PRPH2: variants seen among roughly 807,000 people sequenced by gnomAD.
PRPH2 encodes the protein peripherin-2.
PRPH2 carries 17 observed loss-of-function variants against 31.3 expected under a neutral mutation model. The observed-to-expected ratio is 0.54, with a 90% confidence interval of 0.37 to 0.81. PRPH2 has a LOEUF of 0.81. Ranked by LOEUF, PRPH2 falls within the 40% of genes least tolerant of loss-of-function variation. PRPH2 has a pLI of 0.00. For missense variants in PRPH2, 430 were observed against 439.7 expected (o/e 0.98, Z 0.20); for synonymous variants, 165 against 184.4 (o/e 0.89, Z 0.85).
chr6:42,722,210 T>C lies in PRPH2; in HGVS notation c.125A>G (p.Lys42Arg). The change falls in exon 1 of 3, where the codon AAG becomes AGG. Residue 42 changes from lysine to arginine, a missense_variant. Coordinates refer to ENST00000230381, the MANE Select transcript of PRPH2 (RefSeq NM_000322.5). This position sits in a 1 kb window ranked among gnomAD's most constrained non-coding sequence, Gnocchi z 4.4. Reference protein sequence around the residue: ...IIIFSLGLFLKIELRKRSDVM... With the variant: ...IIIFSLGLFLRIELRKRSDVM... Reference sequence around the variant, plus strand: ...ATCGCTCCTCTTTCGGAGTTCAATCTTCAGGAACAGTCCTAGGCTGAAGAT... The same window carrying C: ...ATCGCTCCTCTTTCGGAGTTCAATCCTCAGGAACAGTCCTAGGCTGAAGAT... The C allele has an allele frequency of 6.2e-7, 1 of 1,614,164 alleles. No individual in the cohort carries two copies. The highest frequency in any genetic ancestry group is 8.5e-7 in the Non-Finnish European group (1 of 1,180,016).
intron 1 of PRPH2, among the ~76,000 whole-genome samples, chr6:42,705,602 ATATATATATATAT>A (rs1800147822): frequency 5.1e-4 from 6 of 11,830 alleles, no homozygotes; most frequent in South Asian, 2.3e-3. Context: ...AAAAAAAAAT[ATATATATATATAT>A]ATATATATAT....
At chr6:42,709,357 T>C (rs368635328) in intron 1 of PRPH2, among the ~76,000 whole-genome samples, 3 of 89,816 alleles carry the variant, frequency 3.3e-5, no homozygotes, top group African/African-American at 1.6e-4. Flanking sequence ...AAAAAAAAAC[T>C]TGGGTCCAGC....
chr6:42,717,898 G>C (rs1284853359), intron 1 of PRPH2, among the ~76,000 whole-genome samples: 1 of 152,132 alleles, frequency 6.6e-6, no homozygotes, highest in Non-Finnish European at 1.5e-5. Flanking sequence ...GGGCGCGGTG[G>C]CTCATGTTTG....
Position 42,698,469 on chromosome 6 carries a change from C to T in PRPH2, c.867G>A (p.Ser289=), listed in dbSNP as rs746836512. ...CCTCGGGGTTGGACACACCATCCAG[C>T]GACGTCTGTAGGTAGCGCAGCCCAA... ...ITIGLRYLQT[S]LDGVSNPEES... is the part of the protein sequence containing the mutation. The change falls in exon 3 of 3, where the codon TCG becomes TCA. Residue 289 remains serine, a synonymous_variant. Transcript: ENST00000230381. The T allele has an allele frequency of 1.2e-6, 2 of 1,614,214 alleles. No homozygotes were observed. The highest frequency in any genetic ancestry group is 4.5e-5 in the East Asian group (2 of 44,866).
rs751900290 is a variant in PRPH2, at chr6:42,704,367, C to G, written c.826G>C (p.Glu276Gln). The change falls in exon 2 of 3, where the codon GAG becomes CAG. Residue 276 changes from glutamate (E) to glutamine (Q), a missense_variant and splice_region_variant. Transcript: ENST00000230381. The part of the protein sequence containing the change: ...GVVTLLIWLF[E>Q]VTITIGLRYL... ...CCCCCAGCTGGCCCAGGGCCTACCT[C>G]GAAGAGCCAAATGAGGAGCGTGACG... is the stretch of plus-strand genomic sequence containing the variant. The G allele has an allele frequency of 6.2e-7, 1 of 1,607,804 alleles. No homozygotes were observed. Among genetic ancestry groups the G allele is most frequent in the Admixed American group, 1.7e-5 (1 of 59,022 alleles).
chr6:42,720,500 CTG>C (rs1237537475), intron 1 of PRPH2, among the ~76,000 whole-genome samples: 1 of 152,156 alleles, frequency 6.6e-6, no homozygotes, highest in Non-Finnish European at 1.5e-5. Flanking sequence ...CCTCTCCTGA[CTG>C]GGGATTTGCA....
chr6:42,699,478 C>T (rs1562420817), intron 2 of PRPH2, among the ~76,000 whole-genome samples: 3 of 152,160 alleles, frequency 2.0e-5, no homozygotes, highest in South Asian at 2.1e-4. Flanking sequence ...GGTTCAAACC[C>T]GGGCACTTAG....
rs1189373407 is a variant in PRPH2, at chr6:42,697,439, C to T, written c.*856G>A. 1.3e-5 allele frequency: 2 copies of T among 152,164 alleles called. No individual in the cohort carries two copies. The highest frequency in any genetic ancestry group is 4.8e-5 in the African/African-American group (2 of 41,334). The allele number at this position is 152,164 out of a possible 1,614,324, so 9.4% of individuals were successfully genotyped here. Reference sequence around the variant, plus strand: ...AGGCCTGGTCTCCAAAGGGTGGACTCATGTCTGATTGTTGCTCCTCTTCCA... The same window carrying T: ...AGGCCTGGTCTCCAAAGGGTGGACTTATGTCTGATTGTTGCTCCTCTTCCA... On this transcript the variant is annotated 3_prime_UTR_variant, in exon 3 of 3. Transcript: ENST00000230381.
chr6:42,718,058 A>G (rs1363028264), intron 1 of PRPH2, among the ~76,000 whole-genome samples: 1 of 152,170 alleles, frequency 6.6e-6, no homozygotes, highest in Non-Finnish European at 1.5e-5. Flanking sequence ...CTGTAATCCC[A>G]GCACTTTGGG....
At chr6:42,715,446 G>A (rs530461033) in intron 1 of PRPH2, among the ~76,000 whole-genome samples, 5 of 151,992 alleles carry the variant, frequency 3.3e-5, no homozygotes, top group Admixed American at 6.6e-5. Context: ...CGAGGCAGGC[G>A]GATCACTTGA....
intron 2 of PRPH2, among the ~76,000 whole-genome samples, chr6:42,701,682 ATTTTTTTTTTTTTT>A (rs70990127): frequency 1.3e-5 from 1 of 78,516 alleles, no homozygotes; most frequent in Admixed American, 1.7e-4. Context: ...ACGTCCAGCA[ATTTTTTTTTTTTTT>A]TTTTTTTTTT....
At chr6:42,713,173 C>T (rs932219198) in intron 1 of PRPH2, among the ~76,000 whole-genome samples, 2 of 151,256 alleles carry the variant, frequency 1.3e-5, no homozygotes, top group Middle Eastern at 3.4e-3. Flanking sequence ...TGCAGTGAGC[C>T]GACATGGTGC....
chr6:42,709,410 C>T (rs1800235037), intron 1 of PRPH2, among the ~76,000 whole-genome samples: 1 of 151,670 alleles, frequency 6.6e-6, no homozygotes, highest in South Asian at 2.1e-4. Context: ...TCCCCACCTC[C>T]CTTGTCCCTC....
chr6:42,702,558 G>C (rs1434610351), intron 2 of PRPH2, among the ~76,000 whole-genome samples: 1 of 57,486 alleles, frequency 1.7e-5, no homozygotes, highest in Admixed American at 1.4e-4. Context: ...CTGGCATATG[G>C]GTACATGTTT....
chr6:42,717,493 G>A (rs376757501), intron 1 of PRPH2, among the ~76,000 whole-genome samples: 1 of 152,054 alleles, frequency 6.6e-6, no homozygotes. Flanking sequence ...ATCCTAGCCC[G>A]GGGGGTGCTG....
chr6:42,703,867 C>T (rs962306745), intron 2 of PRPH2, among the ~76,000 whole-genome samples: 20 of 151,976 alleles, frequency 1.3e-4, no homozygotes, highest in African/African-American at 4.6e-4. Context: ...TTCGGGAGGC[C>T]GAGGCAGGCA....
chr6:42,709,267 T>C (rs1800230154), intron 1 of PRPH2, among the ~76,000 whole-genome samples: 1 of 149,584 alleles, frequency 6.7e-6, no homozygotes. Flanking sequence ...GAGGTGGAGA[T>C]TGCAGTGAGC....
chr6:42,716,634 T>C (rs568598847), intron 1 of PRPH2, among the ~76,000 whole-genome samples: 1,537 of 147,850 alleles, frequency 0.01, 38 homozygotes, highest in African/African-American at 0.037. Context: ...TTTTTTTTTT[T>C]TTTGAGATGA....
At position 42,704,718 on chromosome 6, in the gene PRPH2, C is replaced by T. The variant is rs1800121327; in HGVS notation, c.582-107G>A. On this transcript the variant is annotated intron_variant, in intron 1 of 2. Coordinates refer to ENST00000230381, the MANE Select transcript of PRPH2 (RefSeq NM_000322.5). ...AACCTAGAATAGTCATTCACTCGCA[C>T]ACTTGGTATATATTTGCTGTGCGCC... is the stretch of plus-strand genomic sequence containing the variant. The T allele has an allele frequency of 9.2e-6, 14 of 1,526,876 alleles. No individual in the cohort carries two copies. In the South Asian group the frequency reaches 1.2e-4, roughly 14 times the overall value. The allele number at this position is 1,526,876 out of a possible 1,614,324, so 94.6% of individuals were successfully genotyped here.
Sources: allele counts gnomAD v4.1 joint callset (sites outside exome capture counted in the v4.1 genomes callset), GRCh38; gene constraint gnomAD v4.1.1; non-coding constraint Gnocchi (gnomAD v3.1); transcripts MANE v1.5; gene names NCBI Gene and HGNC (gene_info 2026-07-23, HGNC 2026-07-21).